Variants in SHISAL2B observed in about 807,000 individuals in gnomAD.
SHISAL2B encodes the protein protein shisa-like-2B.
Under a neutral mutation model 16.5 loss-of-function variants are expected in SHISAL2B, and 12 were observed. The ratio of observed to expected loss-of-function variants is 0.73; its 90% CI spans 0.47 to 1.18. The LOEUF (loss-of-function observed/expected upper bound fraction) is 1.18. SHISAL2B is among the 50% of genes most tolerant of loss of function. The pLI is 0.00. For synonymous variants in SHISAL2B, 72 were observed against 75.0 expected, an observed-to-expected ratio of 0.96 and a Z score of 0.21; for missense variants, 183 against 193.6, an observed-to-expected ratio of 0.95 and a Z score of 0.33.
intron 2 of SHISAL2B, among the ~76,000 whole-genome samples, chr5:64,714,443 A>G (rs924394831): frequency 2.5e-4 from 38 of 149,596 alleles, no homozygotes; most frequent in African/African-American, 8.4e-4. Context: ...CTCTCTTCAA[A>G]GCTGTCAGAC....
intron 2 of SHISAL2B, among the ~76,000 whole-genome samples, chr5:64,711,207 G>A (rs1385218665): frequency 0.013 from 1,765 of 130,958 alleles, 16 homozygotes; most frequent in Non-Finnish European, 0.022. Context: ...TTTGAAATAC[G>A]TCCCATCAAT....
chr5:64,705,978 G>A (rs1416511239), intron 2 of SHISAL2B, among the ~76,000 whole-genome samples: 1 of 152,162 alleles, frequency 6.6e-6, no homozygotes, highest in Non-Finnish European at 1.5e-5. Context: ...GGGCAACACA[G>A]TGAAACTCCA....
At chr5:64,717,022 A>G (rs1356170053) in intron 2 of SHISAL2B, among the ~76,000 whole-genome samples, 4 of 152,192 alleles carry the variant, frequency 2.6e-5, no homozygotes, top group Non-Finnish European at 5.9e-5. Flanking sequence ...GGGTGAGAGA[A>G]AAGAGAGGCA....
chr5:64,691,549 C>A (rs959650352), intron 1 of SHISAL2B: 6 of 151,894 alleles, frequency 4.0e-5, no homozygotes, highest in African/African-American at 9.7e-5. Flanking sequence ...GAACAGGACA[C>A]CCCCTTTCTT....
At chr5:64,714,902 T>C (rs973440750) in intron 2 of SHISAL2B, among the ~76,000 whole-genome samples, 46 of 152,184 alleles carry the variant, frequency 3.0e-4, no homozygotes, top group Non-Finnish European at 4.9e-4. Flanking sequence ...CTTCAGCTCG[T>C]GCACGGTGCG....
At chr5:64,700,374 T>C (rs2112061309) in intron 2 of SHISAL2B, among the ~76,000 whole-genome samples, 1 of 152,310 alleles carries the variant, frequency 6.6e-6, no homozygotes, top group Middle Eastern at 3.4e-3. Flanking sequence ...ACTGGCATAG[T>C]ATTTGCATGT....
At chr5:64,714,443 A>T (rs924394831) in intron 2 of SHISAL2B, among the ~76,000 whole-genome samples, 4 of 149,492 alleles carry the variant, frequency 2.7e-5, no homozygotes, top group African/African-American at 1.0e-4. Context: ...CTCTCTTCAA[A>T]GCTGTCAGAC....
chr5:64,693,193 G>C (rs1741679240), intron 1 of SHISAL2B, among the ~76,000 whole-genome samples: 1 of 151,990 alleles, frequency 6.6e-6, no homozygotes, highest in African/African-American at 2.4e-5. Context: ...ATTTTTAGTA[G>C]AGACGGGGTT....
At chr5:64,708,759 A>T (rs899152250) in intron 2 of SHISAL2B, among the ~76,000 whole-genome samples, 1 of 152,150 alleles carries the variant, frequency 6.6e-6, no homozygotes, top group African/African-American at 2.4e-5. Context: ...GATTGGGCAA[A>T]GGCTATTTTC....
intron 2 of SHISAL2B, among the ~76,000 whole-genome samples, chr5:64,698,001 A>T (rs1312382955): frequency 6.6e-6 from 1 of 152,198 alleles, no homozygotes; most frequent in Non-Finnish European, 1.5e-5. Flanking sequence ...CTGTTTGGAG[A>T]TTGCATGGCC....
chr5:64,712,124 TG>T lies in SHISAL2B; in HGVS notation c.350-5764del, dbSNP rs1481654455. 1.6e-4 allele frequency among the ~76,000 whole-genome samples: 20 copies of T among 123,102 alleles called. No individual in the cohort carries two copies. In the East Asian group the frequency reaches 2.8e-3, roughly 17 times the overall value. The allele number at this position is 123,102 out of a possible 152,430, so 80.8% of individuals were successfully genotyped here. A position where few individuals can be genotyped will look rare whatever the true frequency, so the allele number is the denominator to read the frequency against. ...CTTGCTTTTCTAGTTCTTTTAATTG[TG>T]ATGTTAGGGTGTCAATTTTGGATCT... On this transcript the variant is annotated intron_variant, in intron 2 of 2. Transcript: ENST00000389074.
chr5:64,699,824 A>G (rs1741784041), intron 2 of SHISAL2B, among the ~76,000 whole-genome samples: 3 of 152,214 alleles, frequency 2.0e-5, no homozygotes, highest in Non-Finnish European at 2.9e-5. Context: ...AAGATTTTCC[A>G]TAGTATATCT....
At position 64,710,647 on chromosome 5, in the gene SHISAL2B, T is replaced by C. The variant is rs1481675922; in HGVS notation, c.350-7242T>C. ...TTGGGCAGTATGGCCATTTTCACGA[T>C]ATTGATTCTTCCTACCCATGAGCAT... On this transcript the variant is annotated intron_variant, in intron 2 of 2. Coordinates refer to ENST00000389074, the MANE Select transcript of SHISAL2B (RefSeq NM_001164442.2). Among the ~76,000 whole-genome samples, 3 of 107,520 alleles carry C rather than the reference T, an allele frequency of 2.8e-5. 1 individual carries two copies. The highest frequency in any genetic ancestry group is 1.1e-4 in the African/African-American group (2 of 18,334). The allele number at this position is 107,520 out of a possible 152,430, so 70.5% of individuals were successfully genotyped here. A position where few individuals can be genotyped will look rare whatever the true frequency, so the allele number is the denominator to read the frequency against.
intron 1 of SHISAL2B, among the ~76,000 whole-genome samples, chr5:64,692,472 C>T (rs911046799): frequency 6.6e-6 from 1 of 152,118 alleles, no homozygotes; most frequent in Non-Finnish European, 1.5e-5. Context: ...CAGTGTTAAA[C>T]CTGGGGTTCC....
intron 2 of SHISAL2B, among the ~76,000 whole-genome samples, chr5:64,702,120 G>A (rs1396817045): frequency 6.6e-6 from 1 of 152,012 alleles, no homozygotes; most frequent in South Asian, 2.1e-4. Context: ...AAAAATAAAT[G>A]CATTAGAAGA....
chr5:64,690,823 A>G lies in SHISAL2B; in HGVS notation c.191+9A>G. The G allele has an allele frequency of 6.7e-7, 1 of 1,494,862 alleles. No individual in the cohort carries two copies. The highest frequency in any genetic ancestry group is 8.9e-7 in the Non-Finnish European group (1 of 1,123,760). The allele number at this position is 1,494,862 out of a possible 1,614,324, so 92.6% of individuals were successfully genotyped here. A position where few individuals can be genotyped will look rare whatever the true frequency, so the allele number is the denominator to read the frequency against. On this transcript the variant is annotated intron_variant, in intron 1 of 2. Coordinates refer to ENST00000389074, the MANE Select transcript of SHISAL2B (RefSeq NM_001164442.2). The stretch of plus-strand genomic sequence containing the variant: ...TACATGTGGAGCCTCAGGTGGGCTG[A>G]GAGCCCGCGCGTGCGGCGGCTGGCC...
At position 64,694,974 on chromosome 5, in the gene SHISAL2B, G is replaced by A. The variant is rs533187449; in HGVS notation, c.192-533G>A. On this transcript the variant is annotated intron_variant, in intron 1 of 2. Coordinates refer to ENST00000389074, the MANE Select transcript of SHISAL2B (RefSeq NM_001164442.2). ...CGTGGTCTTCCATATTAATAGTAAC[G>A]TACAGGCCGGCCGGGAGCGGTGGCT... 2.3e-4 allele frequency among the ~76,000 whole-genome samples: 35 copies of A among 152,090 alleles called. 1 individual carries two copies. In the South Asian group the frequency reaches 6.9e-3, roughly 30 times the overall value.
rs750537972 is a variant in SHISAL2B at position 64,717,970 on chromosome 5, A to C, written c.431A>C (p.Asp144Ala). The C allele has an allele frequency of 7.2e-6, 11 of 1,522,006 alleles. No individual in the cohort carries two copies. In the Middle Eastern group the frequency reaches 5.0e-4, roughly 70 times the overall value. 94.3% of individuals were successfully genotyped at this position (1,522,006 alleles called of 1,614,324 possible). The change falls in exon 3 of 3, where the codon GAT (aspartate) becomes GCT (alanine). Residue 144 changes from aspartate to alanine, a missense_variant. Physicochemically the swap from Asp to Ala is moderately radical, Grantham distance 126 (BLOSUM62 -2). Transcript: ENST00000389074. ...AATGAAACATACTATGAAGCTGATGATATAATTCAAGAAAAAACAATGGAT... is the reference window on the plus strand; with the variant it reads ...AATGAAACATACTATGAAGCTGATGCTATAATTCAAGAAAAAACAATGGAT... ...ATNETYYEAD[D>A]IIQEKTMDAT...
chr5:64,714,932 CCACT>C (rs1742023306), intron 2 of SHISAL2B, among the ~76,000 whole-genome samples: 1 of 152,148 alleles, frequency 6.6e-6, no homozygotes, highest in South Asian at 2.1e-4. Flanking sequence ...TGGCCTGCGC[CCACT>C]GTCTGGCACT....
Sources: gnomAD v4.1 joint callset for allele counts (sites outside exome capture counted in the v4.1 genomes callset) on GRCh38, gnomAD v4.1.1 for gene constraint, MANE v1.5 for transcripts, NCBI Gene and HGNC (gene_info 2026-07-23, HGNC 2026-07-21) for gene names.